The following ST6GAL1 variants were observed in gnomAD, a reference collection of about 807,000 sequenced individuals.
ST6GAL1 encodes ST6 beta-galactoside alpha-2,6-sialyltransferase 1.
In ST6GAL1, 20 loss-of-function variants were observed where a neutral mutation model predicts 38.0. The observed-to-expected ratio is 0.53, with a 90% CI of 0.37 to 0.77. The LOEUF (loss-of-function observed/expected upper bound fraction) is 0.77. Among genes scored for constraint, ST6GAL1 ranks in the 30% least tolerant of loss-of-function variants. ST6GAL1 has a pLI of 0.00. For missense variants in ST6GAL1, 432 were observed against 496.4 expected, an observed-to-expected ratio of 0.87 and a Z score of 1.23; for synonymous variants, 196 against 188.2, an observed-to-expected ratio of 1.04 and a Z score of -0.34.
chr3:186,994,393 T>C (rs1716293467), intron 2 of ST6GAL1, among the ~76,000 whole-genome samples: 1 of 152,216 alleles, frequency 6.6e-6, no homozygotes, highest in Admixed American at 6.5e-5. Context: ...GTGCACATCC[T>C]GATCCCTTTC....
intron 1 of ST6GAL1, among the ~76,000 whole-genome samples, chr3:186,934,240 A>G (rs1171177386): frequency 6.6e-6 from 1 of 152,200 alleles, no homozygotes; most frequent in Admixed American, 6.5e-5. Flanking sequence ...GTATTACTTT[A>G]AAACCAGCAG....
intron 3 of ST6GAL1, 57 bp from the exon 4 acceptor site, chr3:187,042,597 A>C (rs1281408971): frequency 1.4e-6 from 2 of 1,471,986 alleles, no homozygotes; most frequent in South Asian, 1.4e-5. Context: ...GCTCCGCCTC[A>C]TGCCACATTG....
chr3:187,060,273 G>C (rs1486217056), intron 5 of ST6GAL1, among the ~76,000 whole-genome samples: 1 of 152,146 alleles, frequency 6.6e-6, no homozygotes, highest in African/African-American at 2.4e-5. Flanking sequence ...CGATTCCCCT[G>C]CCTCAGCCTC....
chr3:187,075,892 C>A lies in ST6GAL1; in HGVS notation c.*89C>A. ...GGGAAGAACATTTTCCTGAACAATT[C>A]CAGCCTGCTCCTTTTACTCTAGGGG... On this transcript the variant is annotated 3_prime_UTR_variant, in exon 8 of 8. Transcript: ENST00000169298. This position sits in a 1 kb window ranked among gnomAD's most constrained non-coding sequence, Gnocchi z 4.1. The A allele has an allele frequency of 6.5e-7, 1 of 1,549,152 alleles. No individual in the cohort carries two copies.
intron 1 of ST6GAL1, among the ~76,000 whole-genome samples, chr3:186,943,225 T>G (rs1714239893): frequency 6.6e-6 from 1 of 152,174 alleles, no homozygotes; most frequent in Non-Finnish European, 1.5e-5. Context: ...GCTGTTAGCC[T>G]CTGGGAAATG....
At chr3:187,049,111 G>A (rs1284279982) in intron 4 of ST6GAL1, among the ~76,000 whole-genome samples, 1 of 151,978 alleles carries the variant, frequency 6.6e-6, no homozygotes, top group African/African-American at 2.4e-5. Flanking sequence ...GGCTGATGTC[G>A]AACTCCTGAC....
chr3:187,014,404 A>G (rs910840770), intron 2 of ST6GAL1, among the ~76,000 whole-genome samples: 1 of 152,180 alleles, frequency 6.6e-6, no homozygotes, highest in Non-Finnish European at 1.5e-5. Context: ...TTGAGCTCCC[A>G]GTTACCAGCC....
chr3:187,020,738 A>G (rs1467192797), intron 2 of ST6GAL1, among the ~76,000 whole-genome samples: 1 of 152,218 alleles, frequency 6.6e-6, no homozygotes, highest in African/African-American at 2.4e-5. Context: ...CTGAGGCAAT[A>G]TGAGTTACTG....
Position 187,075,951 on chromosome 3 carries a change from C to T in ST6GAL1, c.*148C>T, listed in dbSNP as rs946238410. On this transcript the variant is annotated 3_prime_UTR_variant, in exon 8 of 8. Coordinates refer to ENST00000169298, the MANE Select transcript of ST6GAL1 (RefSeq NM_173216.2). The surrounding 1 kb of genome is among the most constrained non-coding windows in gnomAD (Gnocchi z 4.1). ...AGCAAGACCATGGGGACTTCAAGAG[C>T]CTGTGGTCAGGAAATCAGGTCCAGC... is the stretch of plus-strand genomic sequence containing the variant. 18 of 1,268,408 alleles carry T rather than the reference C, an allele frequency of 1.4e-5. No individual in the cohort carries two copies. In the Admixed American group the frequency reaches 2.5e-4, roughly 18 times the overall value. The allele number at this position is 1,268,408 out of a possible 1,614,324, so 78.6% of individuals were successfully genotyped here. A position where few individuals can be genotyped will look rare whatever the true frequency, so the allele number is the denominator to read the frequency against.
chr3:186,970,209 C>G (rs199756335), intron 2 of ST6GAL1, among the ~76,000 whole-genome samples: 2 of 133,574 alleles, frequency 1.5e-5, no homozygotes, highest in Non-Finnish European at 3.2e-5. Flanking sequence ...TTTTTCTTTT[C>G]TTTTTCTTTT....
chr3:187,008,489 C>A (rs3872722), intron 2 of ST6GAL1, among the ~76,000 whole-genome samples: 96,203 of 151,660 alleles, frequency 0.63, 30,847 homozygotes, highest in East Asian at 0.85. Flanking sequence ...GCTGGAAGAA[C>A]AAAAAAACTA....
intron 2 of ST6GAL1, among the ~76,000 whole-genome samples, chr3:187,022,486 T>G (rs2108566100): frequency 6.6e-6 from 1 of 152,236 alleles, no homozygotes; most frequent in African/African-American, 2.4e-5. Context: ...TAGGAAGGAA[T>G]GCCTGAGTAA....
chr3:187,015,523 T>C (rs1472910782), intron 2 of ST6GAL1, among the ~76,000 whole-genome samples: 1 of 152,046 alleles, frequency 6.6e-6, no homozygotes, highest in African/African-American at 2.4e-5. Flanking sequence ...AACAAGATGA[T>C]CATCTTAGTA....
chr3:187,008,533 C>G (rs930621865), intron 2 of ST6GAL1, among the ~76,000 whole-genome samples: 10 of 151,964 alleles, frequency 6.6e-5, no homozygotes, highest in Non-Finnish European at 1.5e-5. Context: ...AAAAAATATT[C>G]TTTGGGAGTG....
intron 2 of ST6GAL1, among the ~76,000 whole-genome samples, chr3:186,990,783 G>A (rs13325033): frequency 0.78 from 117,481 of 150,646 alleles, 46,036 homozygotes; most frequent in East Asian, 0.94. Flanking sequence ...ATTGCGCTCC[G>A]GCCTGGTCAA....
chr3:187,008,503 A>C (rs1189782385), intron 2 of ST6GAL1, among the ~76,000 whole-genome samples: 1 of 152,128 alleles, frequency 6.6e-6, no homozygotes, highest in Admixed American at 6.5e-5. Flanking sequence ...AAAACTATCC[A>C]CCCAGAATTT....
At chr3:187,062,407 A>G (rs1718948665) in intron 5 of ST6GAL1, among the ~76,000 whole-genome samples, 1 of 152,196 alleles carries the variant, frequency 6.6e-6, no homozygotes, top group African/African-American at 2.4e-5. Context: ...TCTTATTCAC[A>G]ATAGCTGGAC....
intron 2 of ST6GAL1, among the ~76,000 whole-genome samples, chr3:187,020,583 G>A (rs919598317): frequency 6.6e-6 from 1 of 152,204 alleles, no homozygotes; most frequent in Non-Finnish European, 1.5e-5. Context: ...TGTGTAAGGC[G>A]CCACATTATC....
chr3:187,050,580 G>A (rs1419140122), intron 4 of ST6GAL1, among the ~76,000 whole-genome samples: 1 of 151,468 alleles, frequency 6.6e-6, no homozygotes, highest in African/African-American at 2.4e-5. Flanking sequence ...GAAGGAAGGA[G>A]GGAGGGAAGG....
Sources: gnomAD v4.1 joint callset for allele counts (sites outside exome capture counted in the v4.1 genomes callset) on GRCh38, gnomAD v4.1.1 for gene constraint, Gnocchi (gnomAD v3.1) non-coding constraint, MANE v1.5 for transcripts, NCBI Gene and HGNC (gene_info 2026-07-23, HGNC 2026-07-21) for gene names.